The following GNAS variants were observed in gnomAD, a reference collection of about 807,000 sequenced individuals.
GNAS encodes the protein protein ALEX.
In GNAS, 8 loss-of-function variants were observed where a neutral mutation model predicts 54.5. The ratio of observed to expected loss-of-function variants is 0.15; its 90% CI spans 0.09 to 0.26. GNAS has a LOEUF of 0.26. Ranked by LOEUF, GNAS falls within the 10% of genes least tolerant of loss-of-function variation. The pLI is 1.00. For missense variants in GNAS, 170 were observed against 529.8 expected (o/e 0.32, Z 6.67); for synonymous variants, 204 against 191.4 (o/e 1.07, Z -0.54).
Position 58,891,601 on chromosome 20 carries a change from G to A in GNAS, c.-126G>A. 1.0e-6 allele frequency: 1 copy of A among 968,774 alleles called. No homozygotes were observed. The highest frequency in any genetic ancestry group is 1.2e-6 in the Non-Finnish European group (1 of 821,968). 60.0% of individuals were successfully genotyped at this position (968,774 alleles called of 1,614,324 possible). A position where few individuals can be genotyped will look rare whatever the true frequency, so the allele number is the denominator to read the frequency against. On this transcript the variant is annotated 5_prime_UTR_variant, in exon 1 of 13. Transcript: ENST00000371085. ...CCGCAGTCCGCCCCGCGCGCTCCTT[G>A]CCGAGGAGCCGAGCCCGCGCCCGGC... is the stretch of plus-strand genomic sequence containing the variant.
chr20:58,898,716 T>C lies in GNAS; in HGVS notation c.213-225T>C. 6.4e-6 allele frequency: 4 copies of C among 626,558 alleles called. No individual in the cohort carries two copies. In the South Asian group the frequency reaches 7.3e-5, roughly 11 times the overall value. 38.8% of individuals were successfully genotyped at this position (626,558 alleles called of 1,614,324 possible). ...AGTCTCCAGAGAGCTCTGTTAATAC[T>C]GCAGCAAAGGTGTGGGATTCTTCCC... On this transcript the variant is annotated intron_variant, in intron 2 of 12. Transcript: ENST00000371085.
At chr20:58,895,022 T>C (rs1014329589) in intron 1 of GNAS, 1 of 160,290 alleles carries the variant, frequency 6.2e-6, no homozygotes, top group Non-Finnish European at 1.4e-5. Flanking sequence ...AATGCAGTTT[T>C]AGGGGTGGAT....
At chr20:58,899,654 C>T (rs1301599417) in intron 3 of GNAS, among the ~76,000 whole-genome samples, 2 of 130,742 alleles carry the variant, frequency 1.5e-5, no homozygotes, top group South Asian at 3.4e-4. Context: ...ACCCATCACA[C>T]ACACACACAC....
At chr20:58,855,680 C>G in intron 1 of GNAS, 3 of 683,842 alleles carry the variant, frequency 4.4e-6, no homozygotes, top group Non-Finnish European at 8.1e-6. Flanking sequence ...GCCCCGGGGC[C>G]CCGGGACTCC....
chr20:58,853,594 G>A lies in GNAS; in HGVS notation c.43+12708G>A, dbSNP rs758386521. The A allele has an allele frequency of 2.5e-6, 4 of 1,613,398 alleles. No individual in the cohort carries two copies. In the South Asian group the frequency reaches 4.4e-5, roughly 18 times the overall value. The stretch of plus-strand genomic sequence containing the variant: ...ATGCCCTTCGAGGCTGAACAGCCCA[G>A]CTTGGGAGGCTTCTGGCCTACACTG... On this transcript the variant is annotated intron_variant, in intron 1 of 12. Transcript: ENST00000306090. This position sits in a 1 kb window ranked among gnomAD's most constrained non-coding sequence, Gnocchi z 4.4.
intron 3 of GNAS, chr20:58,899,911 A>G (rs1233692832): frequency 2.8e-6 from 2 of 717,736 alleles, no homozygotes; most frequent in African/African-American, 1.7e-5. Context: ...TCTGGGGACA[A>G]AGTAACTGAC....
intron 1 of GNAS, among the ~76,000 whole-genome samples, chr20:58,880,618 G>C (rs2088165804): frequency 6.6e-6 from 1 of 152,224 alleles, no homozygotes; most frequent in Non-Finnish European, 1.5e-5. Context: ...AGGTTAAGCA[G>C]GGGTTCAATT....
upstream of GNAS, chr20:58,839,896 C>G (rs1029632865): frequency 1.7e-6 from 1 of 602,436 alleles, no homozygotes; most frequent in Non-Finnish European, 3.0e-6. Context: ...CTCAGAGAGG[C>G]AAGCAAGGCG....
At chr20:58,864,957 AAAC>A (rs2086968106) in intron 1 of GNAS, among the ~76,000 whole-genome samples, 1 of 151,214 alleles carries the variant, frequency 6.6e-6, no homozygotes, top group African/African-American at 2.4e-5. Flanking sequence ...ACACACACAC[AAAC>A]ACACACGCAC....
rs555111611 is a variant in GNAS, at chr20:58,846,307, C to T, written c.43+5421C>T. On this transcript the variant is annotated intron_variant, in intron 1 of 12. Coordinates refer to the GNAS transcript ENST00000306090. The stretch of plus-strand genomic sequence containing the variant: ...ATCTGGTGGCTAAGGGGGTTAGAAC[C>T]AGGTGCATCAAGGGACAGACTTCAG... 2.0e-5 allele frequency among the ~76,000 whole-genome samples: 3 copies of T among 152,176 alleles called. No homozygotes were observed. The South Asian group carries it at 6.2e-4, about 32-fold the overall frequency.
intron 1 of GNAS, among the ~76,000 whole-genome samples, chr20:58,875,166 T>C (rs1198380797): frequency 3.3e-5 from 5 of 152,236 alleles, no homozygotes; most frequent in African/African-American, 1.2e-4. Flanking sequence ...TTGAGATTTA[T>C]AGAATTATTA....
In GNAS at chr20:58,853,852, G is replaced by A; in HGVS notation, c.43+12966G>A. ...GGCCCAGGTGCTGCAGGGGTCCCCG[G>A]AGCTCCTCCCGAGGAGCCCCAAGCC... is the stretch of plus-strand genomic sequence containing the variant. On this transcript the variant is annotated intron_variant, in intron 1 of 12. Transcript: ENST00000306090. This position sits in a 1 kb window ranked among gnomAD's most constrained non-coding sequence, Gnocchi z 4.4. 2 of 1,594,878 alleles carry A rather than the reference G, an allele frequency of 1.3e-6. No homozygotes were observed. The highest frequency in any genetic ancestry group is 1.7e-6 in the Non-Finnish European group (2 of 1,171,346).
Position 58,905,327 on chromosome 20 carries a change from T to G in GNAS, c.433-56T>G, listed in dbSNP as rs371428862. 38 of 962,078 alleles carry G rather than the reference T, an allele frequency of 3.9e-5. 1 individual carries two copies. The highest frequency in any genetic ancestry group is 3.6e-4 in the East Asian group (15 of 42,028). 59.6% of individuals were successfully genotyped at this position (962,078 alleles called of 1,614,324 possible). A position where few individuals can be genotyped will look rare whatever the true frequency, so the allele number is the denominator to read the frequency against. On this transcript the variant is annotated intron_variant, in intron 5 of 12. Transcript: ENST00000371085. Reference sequence around the variant, plus strand: ...TGGTCTCAGGGTTTGAATGACAGTGTTGTTGATTAGTTCAAGCTCTTGCCT... The same window carrying G: ...TGGTCTCAGGGTTTGAATGACAGTGGTGTTGATTAGTTCAAGCTCTTGCCT...
chr20:58,899,733 GCA>G (rs146416102), intron 3 of GNAS, among the ~76,000 whole-genome samples: 2,275 of 151,676 alleles, frequency 0.015, 55 homozygotes, highest in African/African-American at 0.052. Flanking sequence ...CACGCGCCGC[GCA>G]CACACACACG....
intron 1 of GNAS, chr20:58,850,862 C>A (rs1600692642): frequency 2.5e-6 from 1 of 398,924 alleles, no homozygotes; most frequent in East Asian, 3.6e-5. Flanking sequence ...TTCCAACCAC[C>A]CCAGCAGCAC....
rs2091263843 is a variant in GNAS, at chr20:58,909,094, A to G, written c.531-68A>G. On this transcript the variant is annotated intron_variant, in intron 6 of 12. Transcript: ENST00000371085. The surrounding 1 kb of genome is among the most constrained non-coding windows in gnomAD (Gnocchi z 7.3). ...TTCCGTTGAGCCTGACCTTGTAGAGAGACACAAATAGTTGGCAAATTGATG... is the reference window on the plus strand; with the variant it reads ...TTCCGTTGAGCCTGACCTTGTAGAGGGACACAAATAGTTGGCAAATTGATG... 1.5e-6 allele frequency: 2 copies of G among 1,312,438 alleles called. No individual in the cohort carries two copies. The highest frequency in any genetic ancestry group is 1.2e-5 in the South Asian group (1 of 85,000). The allele number at this position is 1,312,438 out of a possible 1,614,324, so 81.3% of individuals were successfully genotyped here. A position where few individuals can be genotyped will look rare whatever the true frequency, so the allele number is the denominator to read the frequency against.
At chr20:58,850,821 C>T in intron 1 of GNAS, 1 of 398,840 alleles carries the variant, frequency 2.5e-6, no homozygotes, top group East Asian at 3.6e-5. Context: ...GTCTTCCAGG[C>T]CTAGCCGCCA....
At position 58,909,861 on chromosome 20, in the gene GNAS, G is replaced by GT. The variant is rs1431079748; in HGVS notation, c.839+60dup. 2 of 1,612,630 alleles carry GT rather than the reference G, an allele frequency of 1.2e-6. No individual in the cohort carries two copies. Among genetic ancestry groups the GT allele is most frequent in the East Asian group, 2.2e-5 (1 of 44,892 alleles). On this transcript the variant is annotated intron_variant, in intron 10 of 12. Coordinates refer to ENST00000371085, the MANE Select transcript of GNAS (RefSeq NM_000516.7). The surrounding 1 kb of genome is among the most constrained non-coding windows in gnomAD (Gnocchi z 7.3). ...TGCCCAGGAGGCCCTGGTCTGCACT[G>GT]TTTATAGAGAAGAACCCCGTGCAAG...
chr20:58,850,983 T>C (rs2086145512), intron 1 of GNAS: 1 of 398,504 alleles, frequency 2.5e-6, no homozygotes, highest in African/African-American at 2.1e-5. Context: ...GCATGACCCC[T>C]GCCCAATGGC....
Sources: gnomAD v4.1 joint callset for allele counts (sites outside exome capture counted in the v4.1 genomes callset) on GRCh38, gnomAD v4.1.1 for gene constraint, Gnocchi (gnomAD v3.1) non-coding constraint, MANE v1.5 for transcripts, NCBI Gene and HGNC (gene_info 2026-07-23, HGNC 2026-07-21) for gene names.